SLC39A11: variants seen among roughly 807,000 people sequenced by gnomAD.
SLC39A11 encodes solute carrier family 39 member 11.
A neutral mutation model predicts 36.1 loss-of-function variants in SLC39A11; 33 were observed. That is an observed-to-expected ratio of 0.91 (90% CI 0.69 to 1.22). The LOEUF (loss-of-function observed/expected upper bound fraction) is 1.22. Ranked by LOEUF, SLC39A11 falls within the 50% of genes most tolerant of loss-of-function variation. The pLI is 0.00. For missense variants in SLC39A11, 432 were observed against 430.3 expected, an observed-to-expected ratio of 1.00 and a Z score of -0.03; for synonymous variants, 166 against 170.3, an observed-to-expected ratio of 0.97 and a Z score of 0.20.
At chr17:72,890,299 C>A (rs1392470708) in intron 5 of SLC39A11, among the ~76,000 whole-genome samples, 8 of 148,272 alleles carry the variant, frequency 5.4e-5, no homozygotes, top group Admixed American at 2.7e-4. Flanking sequence ...AAAAAAAAAA[C>A]CACCAGAGGC....
chr17:72,738,119 C>T (rs1021429495), intron 6 of SLC39A11, among the ~76,000 whole-genome samples: 1 of 152,168 alleles, frequency 6.6e-6, no homozygotes, highest in Non-Finnish European at 1.5e-5. Flanking sequence ...ATTCTCTTGC[C>T]TCAGCCTCCC....
At chr17:72,873,861 A>T (rs1016625030) in intron 5 of SLC39A11, among the ~76,000 whole-genome samples, 1 of 152,158 alleles carries the variant, frequency 6.6e-6, no homozygotes, top group Non-Finnish European at 1.5e-5. Flanking sequence ...AGGTGGAGAT[A>T]ACTGAATCAT....
At chr17:72,837,488 C>G (rs975464484) in intron 6 of SLC39A11, among the ~76,000 whole-genome samples, 2 of 150,732 alleles carry the variant, frequency 1.3e-5, no homozygotes, top group Non-Finnish European at 2.9e-5. Flanking sequence ...AGGAACTTAA[C>G]AAAAAGAACT....
At chr17:72,748,402 A>G (rs1240966023) in intron 6 of SLC39A11, among the ~76,000 whole-genome samples, 1 of 152,198 alleles carries the variant, frequency 6.6e-6, no homozygotes, top group Admixed American at 6.5e-5. Context: ...CTCTAACATG[A>G]ATCCCCTTTG....
chr17:73,037,961 G>A (rs1285966063), intron 3 of SLC39A11, among the ~76,000 whole-genome samples: 2 of 152,234 alleles, frequency 1.3e-5, no homozygotes, highest in African/African-American at 2.4e-5. Context: ...AGGGGCTTAC[G>A]CCCATAATCC....
At chr17:72,729,410 T>C (rs1448638896) in intron 7 of SLC39A11, among the ~76,000 whole-genome samples, 1 of 2,332 alleles carries the variant, frequency 4.3e-4, no homozygotes, top group African/African-American at 1.6e-3. Flanking sequence ...GCTATTTATA[T>C]ATATATATAT....
At chr17:72,871,254 G>T (rs1437449023) in intron 5 of SLC39A11, among the ~76,000 whole-genome samples, 2 of 151,732 alleles carry the variant, frequency 1.3e-5, no homozygotes, top group Non-Finnish European at 2.9e-5. Flanking sequence ...GTAGAGACAG[G>T]GTTTTACTAT....
chr17:73,062,194 T>A (rs950456026), intron 3 of SLC39A11, among the ~76,000 whole-genome samples: 3 of 151,838 alleles, frequency 2.0e-5, no homozygotes, highest in African/African-American at 7.3e-5. Flanking sequence ...GCGCAGTAGT[T>A]CATACCTGTA....
In SLC39A11 at chr17:72,949,950, GACACACACACACACACACACACACAC is replaced by G. The variant is rs67207508; in HGVS notation, c.307-2101_307-2076del. Among the ~76,000 whole-genome samples, 457 of 146,248 alleles carry G rather than the reference GACACACACACACACACACACACACAC, an allele frequency of 3.1e-3. 18 individuals carry two copies. The East Asian group carries it at 0.078, about 25-fold the overall frequency. ...CACAAAAGGGATACCAGGCTGCTGT[GACACACACACACACACACACACACAC>G]ACACACACACACACACACACCCCTT... is the stretch of plus-strand genomic sequence containing the variant. On this transcript the variant is annotated intron_variant, in intron 4 of 9. Coordinates refer to ENST00000255559, the MANE Select transcript of SLC39A11 (RefSeq NM_139177.4).
rs367931864 is a variant in SLC39A11 at position 72,856,680 on chromosome 17, C to CT, written c.431-6877dup. On this transcript the variant is annotated intron_variant, in intron 5 of 9. Coordinates refer to ENST00000255559, the MANE Select transcript of SLC39A11 (RefSeq NM_139177.4). Reference sequence around the variant, plus strand: ...GCAATTGTCTCTTTCAATATTAAAACTTTTTTTTTTTCTTTTTTGAGATAG... The same window carrying CT: ...GCAATTGTCTCTTTCAATATTAAAACTTTTTTTTTTTTCTTTTTTGAGATAG... 1.7e-3 allele frequency among the ~76,000 whole-genome samples: 247 copies of CT among 148,276 alleles called. 1 individual carries two copies. The highest frequency in any genetic ancestry group is 4.8e-3 in the African/African-American group (197 of 40,642).
intron 5 of SLC39A11, among the ~76,000 whole-genome samples, chr17:72,875,099 G>A (rs1278470302): frequency 6.6e-6 from 1 of 152,104 alleles, no homozygotes; most frequent in Admixed American, 6.5e-5. Flanking sequence ...AGAGGAGACA[G>A]GGTTATTTTG....
intron 6 of SLC39A11, among the ~76,000 whole-genome samples, chr17:72,746,864 T>G (rs753777615): frequency 6.6e-6 from 1 of 152,104 alleles, no homozygotes; most frequent in South Asian, 2.1e-4. Flanking sequence ...CAGGACAACA[T>G]AGTGAGACCC....
At chr17:72,908,720 C>A (rs1405489119) in intron 5 of SLC39A11, among the ~76,000 whole-genome samples, 7 of 152,272 alleles carry the variant, frequency 4.6e-5, no homozygotes, top group East Asian at 1.9e-4. Context: ...GGGCAAAGGA[C>A]CCCAGCATGG....
intron 7 of SLC39A11, among the ~76,000 whole-genome samples, chr17:72,697,397 T>C (rs531798649): frequency 6.6e-6 from 1 of 152,314 alleles, no homozygotes; most frequent in East Asian, 1.9e-4. Context: ...TATTTCATTT[T>C]ATTGCAAAAA....
chr17:72,729,182 A>C (rs757839201), intron 7 of SLC39A11, among the ~76,000 whole-genome samples: 1 of 151,640 alleles, frequency 6.6e-6, no homozygotes, highest in Non-Finnish European at 1.5e-5. Flanking sequence ...ATAGTTGCCA[A>C]CTTTTTGCTG....
chr17:72,856,841 C>T (rs556355981), intron 5 of SLC39A11, among the ~76,000 whole-genome samples: 43 of 152,198 alleles, frequency 2.8e-4, no homozygotes, highest in Middle Eastern at 3.4e-3. Flanking sequence ...CCACCCCACC[C>T]GGCTAATTTT....
chr17:72,779,619 G>A (rs1435999678), intron 6 of SLC39A11, among the ~76,000 whole-genome samples: 4 of 152,044 alleles, frequency 2.6e-5, no homozygotes, highest in Non-Finnish European at 5.9e-5. Flanking sequence ...CTAGGGCAAG[G>A]GAATGCTACC....
chr17:72,772,957 G>C (rs545682198), intron 6 of SLC39A11, among the ~76,000 whole-genome samples: 1 of 152,226 alleles, frequency 6.6e-6, no homozygotes, highest in Non-Finnish European at 1.5e-5. Flanking sequence ...ATGGTGGCGA[G>C]TGCCTGTAAT....
intron 5 of SLC39A11, among the ~76,000 whole-genome samples, chr17:72,920,008 TTC>T (rs1302788020): frequency 2.6e-5 from 4 of 152,180 alleles, no homozygotes; most frequent in African/African-American, 9.7e-5. Flanking sequence ...TTGGGTTGCT[TTC>T]TCTTTTGGGA....
Sources: gnomAD v4.1 joint callset for allele counts (sites outside exome capture counted in the v4.1 genomes callset) on GRCh38, gnomAD v4.1.1 for gene constraint, MANE v1.5 for transcripts, NCBI Gene and HGNC (gene_info 2026-07-23, HGNC 2026-07-21) for gene names.